The following MYO16 variants were observed in gnomAD, a reference collection of about 807,000 sequenced individuals.
MYO16 encodes the protein myosin XVI.
In MYO16, 94 loss-of-function variants were observed where a neutral mutation model predicts 205.3. The ratio of observed to expected loss-of-function variants is 0.46; its 90% confidence interval spans 0.39 to 0.54. MYO16 has a LOEUF of 0.54. Ranked by LOEUF, MYO16 falls within the 20% of genes least tolerant of loss-of-function variation. The pLI is 0.00. For synonymous variants in MYO16, 988 were observed against 954.0 expected (o/e 1.04, Z -0.66); for missense variants, 2,315 against 2,387.5 (o/e 0.97, Z 0.63).
chr13:108,604,812 GA>G (rs1878890652), intron 1 of MYO16, among the ~76,000 whole-genome samples: 1 of 152,152 alleles, frequency 6.6e-6, no homozygotes, highest in Non-Finnish European at 1.5e-5. Flanking sequence ...GTCAGCCTTA[GA>G]GAGCAGGTAC....
At chr13:108,531,932 C>A in the MYO16 span, among the ~76,000 whole-genome samples, 1 of 152,100 alleles carries the variant, frequency 6.6e-6, no homozygotes, top group Non-Finnish European at 1.5e-5. Flanking sequence ...GAAGGCCCGG[C>A]CTGGTGGCTC....
At position 109,137,444 on chromosome 13, in the gene MYO16, G is replaced by A. The variant is rs577265641; in HGVS notation, c.4052-2820G>A. Reference sequence around the variant, plus strand: ...CCTTTAAATTATTCATATCTTCAGAGCAACTCTGTAATCTTAATGTTAAAA... The same window carrying A: ...CCTTTAAATTATTCATATCTTCAGAACAACTCTGTAATCTTAATGTTAAAA... On this transcript the variant is annotated intron_variant, in intron 31 of 34. Coordinates refer to ENST00000457511, the MANE Select transcript of MYO16 (RefSeq NM_001198950.3). 5.9e-5 allele frequency among the ~76,000 whole-genome samples: 9 copies of A among 152,324 alleles called. No homozygotes were observed. In the East Asian group the frequency reaches 1.3e-3, roughly 23 times the overall value.
chr13:108,935,350 A>G (rs1466632846), intron 16 of MYO16, among the ~76,000 whole-genome samples: 1 of 152,030 alleles, frequency 6.6e-6, no homozygotes, highest in East Asian at 1.9e-4. Context: ...TTGGTTATAC[A>G]TATTCCTAGG....
Position 108,866,072 on chromosome 13 carries a change from CTTA to C in MYO16, c.1360-99_1360-97del, listed in dbSNP as rs1392236167. The C allele has an allele frequency of 1.4e-5, 10 of 705,968 alleles. No individual in the cohort carries two copies. In the African/African-American group the frequency reaches 1.7e-4, roughly 12 times the overall value. The allele number at this position is 705,968 out of a possible 1,614,324, so 43.7% of individuals were successfully genotyped here. On this transcript the variant is annotated intron_variant, in intron 11 of 34. Coordinates refer to ENST00000457511, the MANE Select transcript of MYO16 (RefSeq NM_001198950.3). ...AGCAAAATACTAAAGTAGATTTTTT[CTTA>C]TTATTTATATTTCATACACTGGTTT...
chr13:108,697,319 C>T (rs1027325767), intron 2 of MYO16, among the ~76,000 whole-genome samples: 4 of 152,214 alleles, frequency 2.6e-5, no homozygotes, highest in African/African-American at 9.7e-5. Flanking sequence ...ACCACCCACT[C>T]CCCTCGACAG....
intron 16 of MYO16, among the ~76,000 whole-genome samples, chr13:108,947,497 C>G (rs1358398260): frequency 1.3e-5 from 2 of 152,176 alleles, no homozygotes; most frequent in Middle Eastern, 3.2e-3. Flanking sequence ...CCCACACTTT[C>G]TGAGCAAAAA....
intron 9 of MYO16, among the ~76,000 whole-genome samples, chr13:108,838,299 C>T (rs1877034609): frequency 6.6e-6 from 1 of 151,976 alleles, no homozygotes; most frequent in Admixed American, 6.6e-5. Context: ...AGAAGACTAT[C>T]ACATGTTAAA....
chr13:109,174,083 C>T (rs1172457992), intron 33 of MYO16, among the ~76,000 whole-genome samples: 2 of 151,566 alleles, frequency 1.3e-5, no homozygotes, highest in Admixed American at 6.6e-5. Context: ...AGGTTTTGTA[C>T]ATGAAGCAAG....
intron 2 of MYO16, among the ~76,000 whole-genome samples, chr13:108,701,854 G>C (rs942663680): frequency 6.6e-6 from 1 of 152,082 alleles, no homozygotes; most frequent in Non-Finnish European, 1.5e-5. Flanking sequence ...TCCCCACATA[G>C]AGAAGAACAA....
At chr13:109,018,642 TCTC>T (rs1797129094) in intron 22 of MYO16, among the ~76,000 whole-genome samples, 1 of 152,174 alleles carries the variant, frequency 6.6e-6, no homozygotes, top group African/African-American at 2.4e-5. Context: ...TGGGATATAA[TCTC>T]CTGGTGTGCC....
At chr13:108,796,193 G>A (rs116212955) in intron 6 of MYO16, among the ~76,000 whole-genome samples, 34 of 152,266 alleles carry the variant, frequency 2.2e-4, no homozygotes, top group African/African-American at 7.5e-4. Flanking sequence ...AGAGAGGAGG[G>A]GCATGAGCCT....
chr13:108,786,726 T>G lies in MYO16; in HGVS notation c.616+983T>G, dbSNP rs556575821. Among the ~76,000 whole-genome samples, 56 of 152,312 alleles carry G rather than the reference T, an allele frequency of 3.7e-4. 1 individual carries two copies. The highest frequency in any genetic ancestry group is 1.3e-3 in the African/African-American group (55 of 41,560). On this transcript the variant is annotated intron_variant, in intron 5 of 34. Transcript: ENST00000457511. The stretch of plus-strand genomic sequence containing the variant: ...TTATTCTCTGTGAAAGCAAGGTAGG[T>G]GTGGTTACCACGACAGGGGATGATG...
chr13:108,850,356 C>A (rs1234981919), intron 10 of MYO16, among the ~76,000 whole-genome samples: 1 of 152,222 alleles, frequency 6.6e-6, no homozygotes, highest in Non-Finnish European at 1.5e-5. Context: ...GAGGGATCAG[C>A]AAATTCAGAA....
intron 4 of MYO16, among the ~76,000 whole-genome samples, chr13:108,745,015 G>GA (rs1323217472): frequency 2.0e-5 from 3 of 152,198 alleles, no homozygotes; most frequent in Admixed American, 2.0e-4. Flanking sequence ...AAGTGTCACT[G>GA]AAAAAAATAA....
chr13:108,634,907 G>A (rs1482874526), intron 1 of MYO16, among the ~76,000 whole-genome samples: 1 of 152,108 alleles, frequency 6.6e-6, no homozygotes, highest in East Asian at 1.9e-4. Flanking sequence ...TAGCCCAGAT[G>A]TCCCCTTAGG....
chr13:108,638,275 A>G (rs1436189448), intron 1 of MYO16, among the ~76,000 whole-genome samples: 1 of 151,814 alleles, frequency 6.6e-6, no homozygotes, highest in Non-Finnish European at 1.5e-5. Context: ...CTAGGCTGTC[A>G]AAAGTTAGGT....
rs750178670 is a variant in MYO16 at position 109,033,023 on chromosome 13, G to GAAA, written c.2796+13114_2796+13116dup. On this transcript the variant is annotated intron_variant, in intron 23 of 34. Transcript: ENST00000457511. Reference sequence around the variant, plus strand: ...TAGCTAGGTAAGAGTAATAGGGAAGGAAAATTAAGGCGTATTTATAAGAGA... The same window carrying GAAA: ...TAGCTAGGTAAGAGTAATAGGGAAGGAAAAAAATTAAGGCGTATTTATAAGAGA... Among the ~76,000 whole-genome samples, 3 of 152,100 alleles carry GAAA rather than the reference G, an allele frequency of 2.0e-5. No homozygotes were observed. In the East Asian group the frequency reaches 5.8e-4, roughly 29 times the overall value.
intron 4 of MYO16, among the ~76,000 whole-genome samples, chr13:108,775,435 A>G (rs1420126918): frequency 2.6e-5 from 4 of 152,222 alleles, no homozygotes; most frequent in Non-Finnish European, 5.9e-5. Context: ...TGTCAAAAGA[A>G]ATTATTGAAT....
chr13:109,023,695 G>GTATATGTATATATACA (rs1886234050), intron 23 of MYO16, among the ~76,000 whole-genome samples: 2 of 113,460 alleles, frequency 1.8e-5, no homozygotes, highest in Non-Finnish European at 3.6e-5. Context: ...ACATATATAT[G>GTATATGTATATATACA]TATATATGTA....
Sources: gnomAD v4.1 joint callset for allele counts (sites outside exome capture counted in the v4.1 genomes callset) on GRCh38, gnomAD v4.1.1 for gene constraint, MANE v1.5 for transcripts, NCBI Gene and HGNC (gene_info 2026-07-23, HGNC 2026-07-21) for gene names.